The following FRMD4A variants were observed in gnomAD, a reference collection of about 807,000 sequenced individuals.
The protein encoded by FRMD4A is FERM domain-containing protein 4A.
A neutral mutation model predicts 129.1 loss-of-function variants in FRMD4A; 29 were observed. The ratio of observed to expected loss-of-function variants is 0.22; its 90% CI spans 0.17 to 0.31. The LOEUF (loss-of-function observed/expected upper bound fraction) is 0.31. Among genes scored for constraint, FRMD4A ranks in the 10% least tolerant of loss-of-function variants. The pLI is 1.00. For synonymous variants in FRMD4A, 634 were observed against 571.6 expected (o/e 1.11, Z -1.56); for missense variants, 1,272 against 1,375.8 (o/e 0.92, Z 1.19).
intron 15 of FRMD4A, chr10:13,684,400 C>A: frequency 2.0e-6 from 2 of 985,106 alleles, no homozygotes; most frequent in Non-Finnish European, 2.4e-6. Context: ...TTGTTTGAGA[C>A]CCTGGAGACA....
At chr10:13,659,543 TG>T (rs1331050174) in intron 20 of FRMD4A, 53 bp from the exon 21 acceptor site, 2 of 1,553,598 alleles carry the variant, frequency 1.3e-6, no homozygotes, top group Non-Finnish European at 8.8e-7. Flanking sequence ...GCACCTTTCC[TG>T]GGGGGCTGGC....
chr10:13,873,002 G>A (rs1033445896), intron 2 of FRMD4A, among the ~76,000 whole-genome samples: 2 of 151,712 alleles, frequency 1.3e-5, no homozygotes, highest in East Asian at 1.9e-4. Context: ...ACGGTGAAAC[G>A]TCATCTCTAC....
chr10:13,964,278 C>T (rs776841738), intron 2 of FRMD4A, among the ~76,000 whole-genome samples: 6 of 152,068 alleles, frequency 3.9e-5, no homozygotes, highest in Non-Finnish European at 8.8e-5. Context: ...ATCCCCCTCC[C>T]CACTAACAAA....
chr10:13,838,252 ATTTTTTTT>A (rs905362746), intron 3 of FRMD4A, among the ~76,000 whole-genome samples: 2 of 126,002 alleles, frequency 1.6e-5, no homozygotes, highest in Admixed American at 8.0e-5. Context: ...TGCAGAGCTA[ATTTTTTTT>A]TTTTTTTTTT....
intron 24 of FRMD4A, 30 bp from the exon 25 acceptor site, chr10:13,647,065 CAGTT>C (rs75206552): frequency 0.07 from 40,435 of 581,364 alleles, 2,169 homozygotes; most frequent in African/African-American, 0.18. Flanking sequence ...GGAGATGAGA[CAGTT>C]AGTTAGTGGA....
chr10:14,170,405 T>A lies in FRMD4A; in HGVS notation c.45+159653A>T, dbSNP rs566381005. 4.6e-5 allele frequency among the ~76,000 whole-genome samples: 7 copies of A among 152,270 alleles called. No individual in the cohort carries two copies. In the South Asian group the frequency reaches 1.0e-3, roughly 23 times the overall value. Reference sequence around the variant, plus strand: ...TTGCCCCTTTCATAAAATGACCAGATCCTCTCAGAAGATTTCCTTTAGACA... The same window carrying A: ...TTGCCCCTTTCATAAAATGACCAGAACCTCTCAGAAGATTTCCTTTAGACA... On this transcript the variant is annotated intron_variant, in intron 2 of 24. Transcript: ENST00000357447.
intron 6 of FRMD4A, among the ~76,000 whole-genome samples, chr10:13,778,416 T>C (rs1455103243): frequency 6.6e-6 from 1 of 152,150 alleles, no homozygotes; most frequent in Non-Finnish European, 1.5e-5. Context: ...GTGCTGGGTT[T>C]GAGCCCAGTT....
In FRMD4A at chr10:13,890,842, C is replaced by A. The variant is rs529708588; in HGVS notation, c.46-31930G>T. 3.0e-6 allele frequency: 3 copies of A among 985,268 alleles called. No homozygotes were observed. In the South Asian group the frequency reaches 1.4e-4, roughly 46 times the overall value. The allele number at this position is 985,268 out of a possible 1,614,324, so 61.0% of individuals were successfully genotyped here. On this transcript the variant is annotated intron_variant, in intron 2 of 24. Transcript: ENST00000357447. ...AGAATGAGGATGTCTATTAAGAAGC[C>A]GTCGCCAGAGCTATTATTAGCACAG...
intron 2 of FRMD4A, among the ~76,000 whole-genome samples, chr10:13,988,036 A>G (rs1381654872): frequency 2.6e-5 from 4 of 152,228 alleles, no homozygotes; most frequent in Non-Finnish European, 5.9e-5. Context: ...GATATACGCT[A>G]GAAAATAAAA....
At chr10:14,113,567 C>T (rs1193679584) in intron 2 of FRMD4A, among the ~76,000 whole-genome samples, 1 of 152,100 alleles carries the variant, frequency 6.6e-6, no homozygotes, top group African/African-American at 2.4e-5. Context: ...CTGGGGGACT[C>T]AGAAGTTATA....
At chr10:13,938,294 T>G (rs2095264413) in intron 2 of FRMD4A, among the ~76,000 whole-genome samples, 1 of 152,132 alleles carries the variant, frequency 6.6e-6, no homozygotes, top group Admixed American at 6.6e-5. Context: ...CAGGCTGGAG[T>G]GCAGTGGCAT....
intron 15 of FRMD4A, among the ~76,000 whole-genome samples, chr10:13,686,900 C>T (rs1055489722): frequency 3.9e-5 from 6 of 152,208 alleles, no homozygotes; most frequent in African/African-American, 1.4e-4. Context: ...GTCCCTGCAG[C>T]ACACTGGGTA....
intron 2 of FRMD4A, among the ~76,000 whole-genome samples, chr10:14,274,034 G>A (rs1021812514): frequency 8.5e-5 from 13 of 152,090 alleles, no homozygotes; most frequent in African/African-American, 3.1e-4. Flanking sequence ...TAATTATGAC[G>A]AATGCTCAAT....
intron 2 of FRMD4A, among the ~76,000 whole-genome samples, chr10:14,035,273 G>T (rs1004096501): frequency 6.6e-6 from 1 of 151,940 alleles, no homozygotes; most frequent in Non-Finnish European, 1.5e-5. Flanking sequence ...TTAGCTGGGC[G>T]TGGTAGCAGG....
chr10:14,134,122 G>A lies in FRMD4A; in HGVS notation c.45+195936C>T, dbSNP rs1298112698. 2.0e-5 allele frequency among the ~76,000 whole-genome samples: 3 copies of A among 152,154 alleles called. No homozygotes were observed. In the South Asian group the frequency reaches 6.2e-4, roughly 32 times the overall value. On this transcript the variant is annotated intron_variant, in intron 2 of 24. Transcript: ENST00000357447. ...AAGGTTTCTGGTAAATAGTCTTGTG[G>A]ACTGACTTTATCTTGGGCTTCATTT...
At chr10:13,707,670 G>C in intron 12 of FRMD4A, 1 of 985,922 alleles carries the variant, frequency 1.0e-6, no homozygotes, top group Non-Finnish European at 1.2e-6. Context: ...CCTTGCAAAG[G>C]GCGGAGGAGG....
intron 15 of FRMD4A, chr10:13,685,489 C>G (rs1013760133): frequency 1.0e-6 from 1 of 985,074 alleles, no homozygotes; most frequent in Non-Finnish European, 1.2e-6. Context: ...AATGAGGGAG[C>G]TGACCTATCT....
At chr10:13,678,718 A>G (rs775168641) in intron 15 of FRMD4A, among the ~76,000 whole-genome samples, 6 of 152,252 alleles carry the variant, frequency 3.9e-5, no homozygotes, top group Non-Finnish European at 8.8e-5. Context: ...TCAGTGTAAC[A>G]CTTGAGGTCC....
intron 2 of FRMD4A, among the ~76,000 whole-genome samples, chr10:14,297,559 C>T (rs1438841951): frequency 6.6e-6 from 1 of 152,178 alleles, no homozygotes. Flanking sequence ...TTCCTACCTC[C>T]CCAACACCCA....
Sources: allele counts gnomAD v4.1 joint callset (sites outside exome capture counted in the v4.1 genomes callset), GRCh38; gene constraint gnomAD v4.1.1; transcripts MANE v1.5; gene names NCBI Gene and HGNC (gene_info 2026-07-23, HGNC 2026-07-21).